Variants in PANX2 observed in about 807,000 individuals in gnomAD.
PANX2 encodes the protein pannexin 2.
Under a neutral mutation model 38.7 loss-of-function variants are expected in PANX2, and 30 were observed. The observed-to-expected ratio is 0.78, with a 90% CI of 0.58 to 1.05. The LOEUF is 1.05. Ranked by LOEUF, PANX2 falls within the 50% of genes least tolerant of loss-of-function variation. The pLI, the probability that PANX2 is intolerant of heterozygous loss-of-function variation, is 0.00. For synonymous variants in PANX2, 539 were observed against 472.1 expected, an observed-to-expected ratio of 1.14 and a Z score of -1.84; for missense variants, 880 against 979.3, an observed-to-expected ratio of 0.90 and a Z score of 1.35.
rs375017571 is a variant in PANX2 at position 50,177,502 on chromosome 22, T to C, written c.790T>C (p.Ser264Pro). 26 of 1,609,388 alleles carry C rather than the reference T, an allele frequency of 1.6e-5. No homozygotes were observed. Among genetic ancestry groups the C allele is most frequent in the Non-Finnish European group, 2.0e-5 (24 of 1,178,286 alleles). Residue 264 changes from serine (S) to proline (P), a missense_variant, in exon 2 of 3, where the codon TCC (serine) becomes CCC (proline). By Grantham distance (74) the Ser-to-Pro change is moderately conservative (BLOSUM62 -1). This residue lies in a region of PANX2 where 114 missense variants were observed against 108.8 expected (regional missense o/e 1.05). Transcript: ENST00000395842. ...CGAGTTCACCTGCGCGCTGGGCGCG[T>C]CCCCGGACGGGGCGGCAGGTGCGGG... ...QNEFTCALGA[S>P]PDGAAGAGPA... is the part of the protein sequence containing the mutation.
chr22:50,170,904 C>A lies in PANX2; in HGVS notation c.174C>A (p.Thr58=). Residue 58 remains threonine (T), a synonymous_variant, in exon 1 of 3, where the codon ACC becomes ACA. Transcript: ENST00000395842. ...TCGACCGGGTGGTCACCATCGGCAC[C>A]GTGCTGGTGCCCATCCTGCTGGTCA... ...LPFDRVVTIG[T]VLVPILLVTL... 1.3e-6 allele frequency: 2 copies of A among 1,524,430 alleles called. No homozygotes were observed. Among genetic ancestry groups the A allele is most frequent in the East Asian group, 5.5e-5 (2 of 36,596 alleles). 94.4% of individuals were successfully genotyped at this position (1,524,430 alleles called of 1,614,324 possible).
In PANX2 at chr22:50,179,196, C is replaced by T. The variant is rs755677531; in HGVS notation, c.1953C>T (p.Leu651=). 2 of 1,612,716 alleles carry T rather than the reference C, an allele frequency of 1.2e-6. No individual in the cohort carries two copies. The highest frequency in any genetic ancestry group is 1.7e-6 in the Non-Finnish European group (2 of 1,179,904). The change falls in exon 3 of 3, where the codon CTC becomes CTT. Residue 651 remains leucine (L), a synonymous_variant. Coordinates refer to ENST00000395842, the MANE Select transcript of PANX2 (RefSeq NM_052839.4). ...GPRLPQDVGD[L]IAIPAPQQIL... is the part of the protein sequence containing the mutation. Reference sequence around the variant, plus strand: ...GCCTGCCGCAGGACGTGGGGGACCTCATCGCCATCCCTGCCCCACAGCAGA... The same window carrying T: ...GCCTGCCGCAGGACGTGGGGGACCTTATCGCCATCCCTGCCCCACAGCAGA...
chr22:50,178,744 T>G (rs2147065084), intron 2 of PANX2, among the ~76,000 whole-genome samples, 190 bp from the exon 3 acceptor site: 1 of 152,270 alleles, frequency 6.6e-6, no homozygotes, highest in East Asian at 1.9e-4. Flanking sequence ...CCGACGGCAC[T>G]GCGGCTCCGG....
At position 50,179,261 on chromosome 22, in the gene PANX2, G is replaced by A. The variant is rs1330996473; in HGVS notation, c.2018G>A (p.Ser673Asn). 2 of 1,612,552 alleles carry A rather than the reference G, an allele frequency of 1.2e-6. No homozygotes were observed. Among genetic ancestry groups the A allele is most frequent in the South Asian group, 1.1e-5 (1 of 91,066 alleles). Residue 673 changes from serine (S) to asparagine (N), a missense_variant, in exon 3 of 3, where the codon AGT becomes AAT. Physicochemically the swap from Ser to Asn is conservative, Grantham distance 46 (BLOSUM62 1). This residue lies in a region of PANX2 where 445 missense variants were observed against 404.3 expected (regional missense o/e 1.10). Coordinates refer to ENST00000395842, the MANE Select transcript of PANX2 (RefSeq NM_052839.4). ...TTCGACGAGCCGAGAACGGTCGTGAGTACTGTGGAGTTTTGAGGGATGGCA... is the reference window on the plus strand; with the variant it reads ...TTCGACGAGCCGAGAACGGTCGTGAATACTGTGGAGTTTTGAGGGATGGCA... ...ATFDEPRTVV[S>N]TVEF
In PANX2 at chr22:50,177,531, C is replaced by T. The variant is rs1294475403; in HGVS notation, c.819C>T (p.Pro273=). 2.5e-6 allele frequency: 4 copies of T among 1,610,134 alleles called. No individual in the cohort carries two copies. The highest frequency in any genetic ancestry group is 3.4e-6 in the Non-Finnish European group (4 of 1,178,776). ...ASPDGAAGAG[P]AVRVSCKLPS... ...CGGACGGGGCGGCAGGTGCGGGGCC[C>T]GCGGTGCGCGTGAGCTGCAAGCTCC... The change falls in exon 2 of 3, where the codon CCC becomes CCT. Residue 273 remains proline (P), a synonymous_variant. Transcript: ENST00000395842.
Position 50,179,436 on chromosome 22 carries a change from A to G in PANX2, c.*159A>G. 3.0e-6 allele frequency: 2 copies of G among 675,454 alleles called. No individual in the cohort carries two copies. Among genetic ancestry groups the G allele is most frequent in the Non-Finnish European group, 4.9e-6 (2 of 409,374 alleles). 41.8% of individuals were successfully genotyped at this position (675,454 alleles called of 1,614,324 possible). A position where few individuals can be genotyped will look rare whatever the true frequency, so the allele number is the denominator to read the frequency against. On this transcript the variant is annotated 3_prime_UTR_variant, in exon 3 of 3. Coordinates refer to ENST00000395842, the MANE Select transcript of PANX2 (RefSeq NM_052839.4). Reference sequence around the variant, plus strand: ...CCGCATGCCTGGGGCCTTCGCCCCCACGTGCTCGACAGGGGAACCCGCCCG... The same window carrying G: ...CCGCATGCCTGGGGCCTTCGCCCCCGCGTGCTCGACAGGGGAACCCGCCCG...
rs1319580284 is a variant in PANX2 at position 50,177,409 on chromosome 22, C to T, written c.697C>T (p.Leu233=). 1.9e-6 allele frequency: 3 copies of T among 1,608,724 alleles called. No individual in the cohort carries two copies. Among genetic ancestry groups the T allele is most frequent in the Non-Finnish European group, 2.5e-6 (3 of 1,178,178 alleles). ...LAKLYLARHV[L]ILLLSAVPIS... Reference sequence around the variant, plus strand: ...CAAGCTGTACCTGGCGCGGCACGTGCTGATCCTGCTGCTGAGCGCCGTGCC... The same window carrying T: ...CAAGCTGTACCTGGCGCGGCACGTGTTGATCCTGCTGCTGAGCGCCGTGCC... The change falls in exon 2 of 3, where the codon CTG becomes TTG. Residue 233 remains leucine, a synonymous_variant. Transcript: ENST00000395842.
In PANX2 at chr22:50,177,217, G is replaced by A; in HGVS notation, c.505G>A (p.Ala169Thr). The A allele has an allele frequency of 6.2e-7, 1 of 1,610,760 alleles. No homozygotes were observed. Among genetic ancestry groups the A allele is most frequent in the Non-Finnish European group, 8.5e-7 (1 of 1,178,996 alleles). ...QEIDNCYHRA[A>T]EGRAPKIEKQ... is the part of the protein sequence containing the mutation. ...GATCGACAACTGTTACCACCGGGCG[G>A]CCGAGGGCCGCGCGCCCAAGATCGA... The change falls in exon 2 of 3, where the codon GCC (alanine) becomes ACC (threonine). Residue 169 changes from alanine (A) to threonine (T), a missense_variant. This residue lies in a region of PANX2 where 243 missense variants were observed against 333.1 expected (regional missense o/e 0.73). Coordinates refer to ENST00000395842, the MANE Select transcript of PANX2 (RefSeq NM_052839.4).
rs1602404176 is a variant in PANX2 at position 50,179,389 on chromosome 22, T to G, written c.*112T>G. Reference sequence around the variant, plus strand: ...GACGTGGCCTGTGCTTCGCCCGCACTGCGCGCATCCCCAACCTCTGTCCGC... The same window carrying G: ...GACGTGGCCTGTGCTTCGCCCGCACGGCGCGCATCCCCAACCTCTGTCCGC... On this transcript the variant is annotated 3_prime_UTR_variant, in exon 3 of 3. Coordinates refer to ENST00000395842, the MANE Select transcript of PANX2 (RefSeq NM_052839.4). 1.0e-6 allele frequency: 1 copy of G among 965,552 alleles called. No homozygotes were observed. Among genetic ancestry groups the G allele is most frequent in the South Asian group, 1.6e-5 (1 of 63,368 alleles). 59.8% of individuals were successfully genotyped at this position (965,552 alleles called of 1,614,324 possible).
intron 1 of PANX2, among the ~76,000 whole-genome samples, chr22:50,174,572 G>A (rs2063652261): frequency 6.6e-6 from 1 of 152,268 alleles, no homozygotes; most frequent in Middle Eastern, 3.4e-3. Flanking sequence ...TAGCTGGCAT[G>A]GCCAGGATCC....
chr22:50,177,557 C>A lies in PANX2; in HGVS notation c.845C>A (p.Pro282Gln). Residue 282 changes from proline to glutamine, a missense_variant, in exon 2 of 3, where the codon CCG becomes CAG. This residue lies in a region of PANX2 where 114 missense variants were observed against 108.8 expected (regional missense o/e 1.05). Coordinates refer to ENST00000395842, the MANE Select transcript of PANX2 (RefSeq NM_052839.4). ...GPAVRVSCKLPSVQLQRIIAG... is the reference protein window; with the variant it reads ...GPAVRVSCKLQSVQLQRIIAG... Reference sequence around the variant, plus strand: ...GCGGTGCGCGTGAGCTGCAAGCTCCCGTCCGTGCAACTGCAGCGCATCATC... The same window carrying A: ...GCGGTGCGCGTGAGCTGCAAGCTCCAGTCCGTGCAACTGCAGCGCATCATC... The A allele has an allele frequency of 1.2e-6, 2 of 1,612,230 alleles. No individual in the cohort carries two copies. The highest frequency in any genetic ancestry group is 1.7e-6 in the Non-Finnish European group (2 of 1,179,776).
chr22:50,175,410 C>G, intron 1 of PANX2: 3 of 1,278,650 alleles, frequency 2.3e-6, no homozygotes, highest in Non-Finnish European at 3.1e-6. Context: ...GGACACAAAC[C>G]TGTCCCTGTT....
At position 50,178,153 on chromosome 22, in the gene PANX2, GC is replaced by G; in HGVS notation, c.1444del (p.His482ThrfsTer74). 1 of 1,517,732 alleles carries G rather than the reference GC, an allele frequency of 6.6e-7. No individual in the cohort carries two copies. The highest frequency in any genetic ancestry group is 8.8e-7 in the Non-Finnish European group (1 of 1,140,720). 94.0% of individuals were successfully genotyped at this position (1,517,732 alleles called of 1,614,324 possible). The part of the protein sequence containing the change: ...TLIAPLLDRS[A>X]HHYKGGGGDP... ...GATCGCGCCGCTGCTGGACCGCTCC[GC>G]CCACCACTACAAGGGCGGAGGGGGC... is the stretch of plus-strand genomic sequence containing the variant. On this transcript the variant is annotated frameshift_variant, in exon 2 of 3. Coordinates refer to ENST00000395842, the MANE Select transcript of PANX2 (RefSeq NM_052839.4). LOFTEE classifies it high-confidence loss of function.
chr22:50,179,200 G>C lies in PANX2; in HGVS notation c.1957G>C (p.Ala653Pro). Reference sequence around the variant, plus strand: ...GCCGCAGGACGTGGGGGACCTCATCGCCATCCCTGCCCCACAGCAGATCCT... The same window carrying C: ...GCCGCAGGACGTGGGGGACCTCATCCCCATCCCTGCCCCACAGCAGATCCT... Reference protein sequence around the residue: ...RLPQDVGDLIAIPAPQQILIA... With the variant: ...RLPQDVGDLIPIPAPQQILIA... Residue 653 changes from alanine (A) to proline (P), a missense_variant, in exon 3 of 3, where the codon GCC becomes CCC. This residue lies in a region of PANX2 where 445 missense variants were observed against 404.3 expected (regional missense o/e 1.10). Transcript: ENST00000395842. 6.2e-7 allele frequency: 1 copy of C among 1,612,680 alleles called. No homozygotes were observed. Among genetic ancestry groups the C allele is most frequent in the Non-Finnish European group, 8.5e-7 (1 of 1,179,896 alleles).
chr22:50,173,409 C>G (rs1357732424), intron 1 of PANX2, among the ~76,000 whole-genome samples: 1 of 152,236 alleles, frequency 6.6e-6, no homozygotes, highest in East Asian at 1.9e-4. Context: ...TGGGCTGGTT[C>G]CTCTTTTTGG....
At chr22:50,172,740 AT>A (rs2063639195) in intron 1 of PANX2, among the ~76,000 whole-genome samples, 1 of 131,902 alleles carries the variant, frequency 7.6e-6, no homozygotes, top group African/African-American at 2.9e-5. Flanking sequence ...TTTTATTTTT[AT>A]TTTTTGAGAC....
At chr22:50,174,327 C>T (rs1333964049) in intron 1 of PANX2, among the ~76,000 whole-genome samples, 2 of 128,690 alleles carry the variant, frequency 1.6e-5, no homozygotes, top group Non-Finnish European at 3.1e-5. Context: ...ATGGCAGAAC[C>T]GAAGAAGGGC....
rs1372173057 is a variant in PANX2 at position 50,179,615 on chromosome 22, C to G, written c.*338C>G. ...AAGAGTTTATTTTTTTAGTCCGTTT[C>G]GTCCTGGCCCCGGGCTGTGGCGAGA... On this transcript the variant is annotated 3_prime_UTR_variant, in exon 3 of 3. Coordinates refer to ENST00000395842, the MANE Select transcript of PANX2 (RefSeq NM_052839.4). The G allele has an allele frequency of 2.1e-5, 6 of 283,416 alleles. No individual in the cohort carries two copies. In the South Asian group the frequency reaches 2.4e-4, roughly 11 times the overall value. 17.6% of individuals were successfully genotyped at this position (283,416 alleles called of 1,614,324 possible).
chr22:50,178,246 C>A lies in PANX2; in HGVS notation c.1534C>A (p.His512Asn). 6.6e-7 allele frequency: 1 copy of A among 1,517,978 alleles called. No individual in the cohort carries two copies. The highest frequency in any genetic ancestry group is 8.8e-7 in the Non-Finnish European group (1 of 1,139,984). The allele number at this position is 1,517,978 out of a possible 1,614,324, so 94.0% of individuals were successfully genotyped here. Residue 512 changes from histidine to asparagine, a missense_variant, in exon 2 of 3, where the codon CAC becomes AAC. Coordinates refer to ENST00000395842, the MANE Select transcript of PANX2 (RefSeq NM_052839.4). Reference sequence around the variant, plus strand: ...CGCCCCTGACAAGAAGCACGCGCGCCACTTCTCCCTGGACGTGCACCCCTA... The same window carrying A: ...CGCCCCTGACAAGAAGCACGCGCGCAACTTCTCCCTGGACGTGCACCCCTA... ...PPAPDKKHAR[H>N]FSLDVHPYIL...
Sources: gnomAD v4.1 joint callset for allele counts (sites outside exome capture counted in the v4.1 genomes callset) on GRCh38, gnomAD v4.1.1 for gene constraint, gnomAD v4.1.1 regional missense constraint, MANE v1.5 for transcripts, NCBI Gene and HGNC (gene_info 2026-07-23, HGNC 2026-07-21) for gene names.